SLC26A8: variants seen among roughly 807,000 people sequenced by gnomAD.
SLC26A8 encodes the protein solute carrier family 26 member 8, also known as testis anion transporter 1.
In SLC26A8, 70 loss-of-function variants were observed where a neutral mutation model predicts 105.0. That is an observed-to-expected ratio of 0.67 (90% CI 0.55 to 0.81). The LOEUF (loss-of-function observed/expected upper bound fraction) is 0.81, where lower values mean the gene tolerates loss of function less well. SLC26A8 is among the 40% of genes least tolerant of loss of function. SLC26A8 has a pLI of 0.00. For missense variants in SLC26A8, 998 were observed against 1,181.8 expected, an observed-to-expected ratio of 0.84 and a Z score of 2.28; for synonymous variants, 415 against 438.3, an observed-to-expected ratio of 0.95 and a Z score of 0.66.
chr6:35,959,065 A>G (rs1433236612), intron 16 of SLC26A8, among the ~76,000 whole-genome samples: 1 of 152,118 alleles, frequency 6.6e-6, no homozygotes, highest in Non-Finnish European at 1.5e-5. Flanking sequence ...AGCAACCTTG[A>G]CCTTGCCCTA....
chr6:35,991,166 C>G lies in SLC26A8; in HGVS notation c.942+493G>C, dbSNP rs1006266246. Among the ~76,000 whole-genome samples the G allele has an allele frequency of 4.6e-5, 7 of 152,146 alleles. No individual in the cohort carries two copies. In the South Asian group the frequency reaches 1.0e-3, roughly 23 times the overall value. On this transcript the variant is annotated intron_variant, in intron 7 of 19. Coordinates refer to ENST00000490799, the MANE Select transcript of SLC26A8 (RefSeq NM_052961.4). The stretch of plus-strand genomic sequence containing the variant: ...CTGTAATCCTAGCACTTTGGGAGGC[C>G]GAGACAGGTGGATCACCTGAGGTCA...
chr6:35,977,433 G>C, intron 8 of SLC26A8, 82 bp from the exon 9 acceptor site: 1 of 1,276,880 alleles, frequency 7.8e-7, no homozygotes, highest in East Asian at 2.6e-5. Flanking sequence ...ACACTGGGCT[G>C]TCCTGATTCT....
intron 8 of SLC26A8, among the ~76,000 whole-genome samples, chr6:35,978,252 G>T (rs1182363898): frequency 7.0e-6 from 1 of 143,702 alleles, no homozygotes; most frequent in Admixed American, 6.9e-5. Context: ...ATACACTATG[G>T]TCAAGTGGGG....
intron 9 of SLC26A8, among the ~76,000 whole-genome samples, chr6:35,976,090 G>C (rs911983136): frequency 1.1e-4 from 16 of 151,904 alleles, no homozygotes; most frequent in African/African-American, 3.9e-4. Context: ...GGATGACAGG[G>C]AGAAGCACAA....
chr6:35,985,150 A>G (rs1370638777), intron 7 of SLC26A8, among the ~76,000 whole-genome samples: 1 of 152,112 alleles, frequency 6.6e-6, no homozygotes, highest in East Asian at 1.9e-4. Flanking sequence ...CACCCCTTCA[A>G]TTTGTCCCAC....
chr6:36,002,683 T>G (rs1298860911), intron 3 of SLC26A8, among the ~76,000 whole-genome samples: 2 of 151,390 alleles, frequency 1.3e-5, no homozygotes, highest in Non-Finnish European at 2.9e-5. Flanking sequence ...TTTGCAAGTA[T>G]CTCCCATTTT....
chr6:35,993,644 C>A (rs1207474402), intron 5 of SLC26A8, among the ~76,000 whole-genome samples: 1 of 151,936 alleles, frequency 6.6e-6, no homozygotes, highest in Non-Finnish European at 1.5e-5. Context: ...ACAGGAATTA[C>A]CTTTGGGGAA....
At chr6:35,953,237 A>G (rs1368648647) in intron 17 of SLC26A8, among the ~76,000 whole-genome samples, 1 of 152,220 alleles carries the variant, frequency 6.6e-6, no homozygotes, top group Non-Finnish European at 1.5e-5. Context: ...GATGGAACAG[A>G]AAGTCATCAA....
chr6:36,000,832 C>T (rs1030642535), intron 3 of SLC26A8, among the ~76,000 whole-genome samples: 1 of 152,150 alleles, frequency 6.6e-6, no homozygotes, highest in Non-Finnish European at 1.5e-5. Flanking sequence ...ATTTCAAACA[C>T]ATCCAAAAAT....
rs1176267667 is a variant in SLC26A8 at position 35,959,792 on chromosome 6, A to T, written c.1653T>A (p.Pro551=). 2 of 1,607,450 alleles carry T rather than the reference A, an allele frequency of 1.2e-6. No individual in the cohort carries two copies. The highest frequency in any genetic ancestry group is 1.7e-6 in the Non-Finnish European group (2 of 1,178,354). Residue 551 remains proline (P), a synonymous_variant, in exon 15 of 20, where the codon CCT becomes CCA. Coordinates refer to ENST00000490799, the MANE Select transcript of SLC26A8 (RefSeq NM_052961.4). ...INDYREIITI[P]GVKIFQCCSS... is the part of the protein sequence containing the mutation. ...TGCAGCACTGGAAGATTTTCACCCCAGGAATGGTGATGATCTGCAAGACAA... is the reference window on the plus strand; with the variant it reads ...TGCAGCACTGGAAGATTTTCACCCCTGGAATGGTGATGATCTGCAAGACAA...
rs1761875283 is a variant in SLC26A8 at position 36,012,111 on chromosome 6, T to C, written c.328+122A>G. The C allele has an allele frequency of 6.7e-6, 9 of 1,336,698 alleles. No homozygotes were observed. In the East Asian group the frequency reaches 2.2e-4, roughly 32 times the overall value. 82.8% of individuals were successfully genotyped at this position (1,336,698 alleles called of 1,614,324 possible). ...TGGCAGATAAGGGAACAAATGGTAA[T>C]GCTGTGAATAAAATTCAATATTTTT... is the stretch of plus-strand genomic sequence containing the variant. On this transcript the variant is annotated intron_variant, in intron 3 of 19. Transcript: ENST00000490799.
chr6:36,022,870 T>C (rs998202278), intron 1 of SLC26A8, among the ~76,000 whole-genome samples: 1 of 151,198 alleles, frequency 6.6e-6, no homozygotes, highest in Non-Finnish European at 1.5e-5. Flanking sequence ...AAACTCCTAC[T>C]GTTGAGTAGG....
At chr6:35,962,471 C>G in intron 12 of SLC26A8, 55 bp downstream of exon 12, 1 of 1,427,732 alleles carries the variant, frequency 7.0e-7, no homozygotes, top group Non-Finnish European at 9.9e-7. Flanking sequence ...TTCTTTCTCC[C>G]TCTCTCCAAC....
chr6:35,961,001 A>G lies in SLC26A8; in HGVS notation c.1560T>C (p.Arg520=). The change falls in exon 13 of 20, where the codon CGT becomes CGC. Residue 520 remains arginine (R), a synonymous_variant. Transcript: ENST00000490799. ...VVSAFFITTV[R]SHRAKILLLG... is the part of the protein sequence containing the mutation. ...TACCTGAGACAAAGTACCTGTGTGA[A>G]CGAACAGTGGTGATGAAGAAAGCAG... is the stretch of plus-strand genomic sequence containing the variant. 6.2e-7 allele frequency: 1 copy of G among 1,614,172 alleles called. No individual in the cohort carries two copies. The highest frequency in any genetic ancestry group is 8.5e-7 in the Non-Finnish European group (1 of 1,180,016).
At chr6:35,979,454 C>T (rs1254777031) in intron 8 of SLC26A8, among the ~76,000 whole-genome samples, 6 of 151,808 alleles carry the variant, frequency 4.0e-5, no homozygotes, top group South Asian at 2.1e-4. Flanking sequence ...CCAGCCTGGG[C>T]GACAGAGCTA....
intron 11 of SLC26A8, 138 bp from the exon 12 acceptor site, chr6:35,962,759 A>G (rs1772365803): frequency 7.3e-6 from 5 of 686,780 alleles, no homozygotes; most frequent in Non-Finnish European, 1.2e-5. Context: ...TACCATGTCT[A>G]TGTTCCAACT....
rs567936628 is a variant in SLC26A8, at chr6:35,966,130, G to A, written c.1365+2747C>T. ...GGAATTAGAACTAATCTTACCACGA[G>A]GAATGGCTGAGTCCACGCTTACTCT... is the stretch of plus-strand genomic sequence containing the variant. On this transcript the variant is annotated intron_variant, in intron 11 of 19. Coordinates refer to ENST00000490799, the MANE Select transcript of SLC26A8 (RefSeq NM_052961.4). Among the ~76,000 whole-genome samples the A allele has an allele frequency of 1.5e-3, 221 of 152,224 alleles. 1 individual carries two copies. Among genetic ancestry groups the A allele is most frequent in the African/African-American group, 4.8e-3 (199 of 41,536 alleles).
intron 11 of SLC26A8, 56 bp from the exon 12 acceptor site, chr6:35,962,677 A>G (rs1472161610): frequency 6.5e-7 from 1 of 1,538,150 alleles, no homozygotes; most frequent in Middle Eastern, 1.7e-4. Context: ...AAAACTCACA[A>G]ATCCCCACCA....
rs777362756 is a variant in SLC26A8, at chr6:35,955,216, G to C, written c.2168C>G (p.Thr723Ser). 2 of 1,614,138 alleles carry C rather than the reference G, an allele frequency of 1.2e-6. No homozygotes were observed. Among genetic ancestry groups the C allele is most frequent in the Non-Finnish European group, 1.7e-6 (2 of 1,180,024 alleles). Residue 723 changes from threonine (T) to serine (S), a missense_variant, in exon 17 of 20, where the codon ACC (threonine) becomes AGC (serine). Thr to Ser is a moderately conservative substitution (Grantham distance 58, BLOSUM62 1). Transcript: ENST00000490799. ...TACCATGGAGAAATCCAGGATGATG[G>C]TGTGGACACTGGGCAGTAGAGACGC... ...SDASLLPSVH[T>S]IILDFSMVHY...
Sources: gnomAD v4.1 joint callset for allele counts (sites outside exome capture counted in the v4.1 genomes callset) on GRCh38, gnomAD v4.1.1 for gene constraint, MANE v1.5 for transcripts, NCBI Gene and HGNC (gene_info 2026-07-23, HGNC 2026-07-21) for gene names.